ASPH: variants seen among roughly 807,000 people sequenced by gnomAD.
ASPH encodes aspartyl/asparaginyl beta-hydroxylase.
ASPH carries 100 observed loss-of-function variants against 118.4 expected under a neutral mutation model. That is an observed-to-expected ratio of 0.84 (90% CI 0.72 to 1.00). The LOEUF (loss-of-function observed/expected upper bound fraction) is 1.00, where lower values mean the gene tolerates loss of function less well. Among genes scored for constraint, ASPH ranks in the 50% least tolerant of loss-of-function variants. The pLI is 0.00. For synonymous variants in ASPH, 315 were observed against 325.6 expected (o/e 0.97, Z 0.35); for missense variants, 920 against 919.5 (o/e 1.00, Z -0.01).
At chr8:61,530,102 T>A (rs1817016264) in intron 21 of ASPH, among the ~76,000 whole-genome samples, 1 of 152,188 alleles carries the variant, frequency 6.6e-6, no homozygotes, top group Non-Finnish European at 1.5e-5. Context: ...TGGCAAATAA[T>A]CCAGTTTTTA....
chr8:61,545,385 C>T (rs1378484481), intron 21 of ASPH, among the ~76,000 whole-genome samples: 1 of 152,126 alleles, frequency 6.6e-6, no homozygotes, highest in Admixed American at 6.5e-5. Context: ...TATAAGCCAC[C>T]GAGTTTATGG....
At chr8:61,646,934 T>C in intron 5 of ASPH, 56 bp from the exon 6 acceptor site, 1 of 1,608,026 alleles carries the variant, frequency 6.2e-7, no homozygotes, top group Non-Finnish European at 8.5e-7. Flanking sequence ...TGAAAGCCCC[T>C]TGTGAAGGGC....
At chr8:61,680,870 T>C (rs1466173981) in intron 3 of ASPH, 98 bp downstream of exon 3, 26 of 994,168 alleles carry the variant, frequency 2.6e-5, no homozygotes, top group Non-Finnish European at 3.7e-5. Flanking sequence ...AAAAGTCTCC[T>C]GTAAGATATA....
chr8:61,507,401 C>T (rs1370190534), intron 24 of ASPH, among the ~76,000 whole-genome samples: 1 of 152,136 alleles, frequency 6.6e-6, no homozygotes, highest in Non-Finnish European at 1.5e-5. Context: ...CTTATTTGCC[C>T]TTCCACTTTC....
chr8:61,601,676 G>A (rs187962797), intron 14 of ASPH, among the ~76,000 whole-genome samples: 1 of 151,180 alleles, frequency 6.6e-6, no homozygotes, highest in Admixed American at 6.6e-5. Context: ...ACCAGAGGAA[G>A]ATAATAAAAA....
At chr8:61,652,339 A>G (rs913576613) in intron 4 of ASPH, among the ~76,000 whole-genome samples, 1 of 152,178 alleles carries the variant, frequency 6.6e-6, no homozygotes, top group African/African-American at 2.4e-5. Flanking sequence ...TGAAAGTCTC[A>G]GTTCCTAGGA....
chr8:61,644,665 G>A, intron 6 of ASPH, 33 bp from the exon 7 acceptor site: 1 of 1,544,666 alleles, frequency 6.5e-7, no homozygotes, highest in African/African-American at 1.4e-5. Flanking sequence ...GATATTTACT[G>A]CTTTTACAAA....
intron 20 of ASPH, among the ~76,000 whole-genome samples, chr8:61,549,443 T>C (rs1257773253): frequency 6.6e-6 from 1 of 152,226 alleles, no homozygotes; most frequent in Non-Finnish European, 1.5e-5. Flanking sequence ...TCCTCCTATT[T>C]ATATCATTTA....
At chr8:61,640,197 C>T (rs1056660978) in intron 10 of ASPH, among the ~76,000 whole-genome samples, 3 of 152,154 alleles carry the variant, frequency 2.0e-5, no homozygotes, top group Non-Finnish European at 4.4e-5. Context: ...TCCTTTGGTT[C>T]CTTCAGACAG....
intron 24 of ASPH, among the ~76,000 whole-genome samples, chr8:61,510,997 C>T (rs994243070): frequency 1.3e-5 from 2 of 152,206 alleles, no homozygotes; most frequent in East Asian, 1.9e-4. Context: ...GCAGCTTCCA[C>T]ATGTGATTCA....
chr8:61,609,447 G>T (rs777718893), intron 14 of ASPH, among the ~76,000 whole-genome samples: 1 of 152,132 alleles, frequency 6.6e-6, no homozygotes, highest in Non-Finnish European at 1.5e-5. Context: ...TGCTGACCGG[G>T]CATGGTAGCA....
Position 61,562,865 on chromosome 8 carries a change from G to A in ASPH, c.1316C>T (p.Ser439Phe). ...RQQFLGHMRG[S>F]LLTLQRLVQL... The stretch of plus-strand genomic sequence containing the variant: ...AACTAATCTCTGCAGGGTAAGCAGG[G>A]AACCTCTCATATGACCTGAGTAGGT... The change falls in exon 18 of 25, where the codon TCC becomes TTC. Residue 439 changes from serine (S) to phenylalanine (F), a missense_variant. Coordinates refer to ENST00000379454, the MANE Select transcript of ASPH (RefSeq NM_004318.4). The A allele has an allele frequency of 1.2e-6, 2 of 1,603,892 alleles. No individual in the cohort carries two copies. Among genetic ancestry groups the A allele is most frequent in the Non-Finnish European group, 1.7e-6 (2 of 1,176,524 alleles).
intron 24 of ASPH, among the ~76,000 whole-genome samples, chr8:61,509,799 TA>T (rs1245871585): frequency 2.0e-5 from 3 of 151,918 alleles, no homozygotes; most frequent in African/African-American, 7.3e-5. Context: ...GAGATGTGAG[TA>T]GGGGGGGAGG....
At position 61,503,273 on chromosome 8, in the gene ASPH, G is replaced by T; in HGVS notation, c.*86C>A. On this transcript the variant is annotated 3_prime_UTR_variant, in exon 25 of 25. Coordinates refer to ENST00000379454, the MANE Select transcript of ASPH (RefSeq NM_004318.4). ...CAAGTCAAGGGAATTGACTCTTGGT[G>T]TTCGAAATTCTATCCTCACACCCAA... 2 of 1,451,902 alleles carry T rather than the reference G, an allele frequency of 1.4e-6. No homozygotes were observed. Among genetic ancestry groups the T allele is most frequent in the Non-Finnish European group, 1.8e-6 (2 of 1,087,310 alleles). 89.9% of individuals were successfully genotyped at this position (1,451,902 alleles called of 1,614,324 possible).
rs1359106085 is a variant in ASPH, at chr8:61,664,132, A to G, written c.323-10472T>C. 6.2e-6 allele frequency: 6 copies of G among 967,464 alleles called. No homozygotes were observed. In the Admixed American group the frequency reaches 3.1e-4, roughly 50 times the overall value. 59.9% of individuals were successfully genotyped at this position (967,464 alleles called of 1,614,324 possible). A position where few individuals can be genotyped will look rare whatever the true frequency, so the allele number is the denominator to read the frequency against. Reference sequence around the variant, plus strand: ...CACAGTAGTCACAATTAGATATTTAATATTTGAGGCACAGAATAGTACAAA... The same window carrying G: ...CACAGTAGTCACAATTAGATATTTAGTATTTGAGGCACAGAATAGTACAAA... On this transcript the variant is annotated intron_variant, in intron 3 of 24. Transcript: ENST00000379454.
At chr8:61,654,765 C>T (rs1193420858) in intron 3 of ASPH, among the ~76,000 whole-genome samples, 1 of 152,172 alleles carries the variant, frequency 6.6e-6, no homozygotes, top group Non-Finnish European at 1.5e-5. Flanking sequence ...ATTTGCAACA[C>T]TATTTCCACA....
chr8:61,666,505 AT>A (rs1427302279), intron 3 of ASPH, among the ~76,000 whole-genome samples: 1 of 152,218 alleles, frequency 6.6e-6, no homozygotes, highest in Non-Finnish European at 1.5e-5. Flanking sequence ...AGAAAATGAA[AT>A]ATTTCTTTAA....
chr8:61,616,784 C>T (rs373358502), intron 14 of ASPH, among the ~76,000 whole-genome samples: 18 of 152,318 alleles, frequency 1.2e-4, no homozygotes, highest in South Asian at 1.0e-3. Context: ...CTTCTGCCTA[C>T]GGCATGCTCT....
intron 21 of ASPH, among the ~76,000 whole-genome samples, chr8:61,547,115 T>A (rs888572391): frequency 1.3e-5 from 2 of 152,214 alleles, no homozygotes; most frequent in Admixed American, 6.5e-5. Context: ...TATGAGTTAA[T>A]TAACTGTGAG....
Sources: gnomAD v4.1 joint callset for allele counts (sites outside exome capture counted in the v4.1 genomes callset) on GRCh38, gnomAD v4.1.1 for gene constraint, MANE v1.5 for transcripts, NCBI Gene and HGNC (gene_info 2026-07-23, HGNC 2026-07-21) for gene names.